Variants in MLLT10 observed in about 807,000 individuals in gnomAD.
The protein encoded by MLLT10 is protein AF-10.
MLLT10 carries 30 observed loss-of-function variants against 129.1 expected under a neutral mutation model. The ratio of observed to expected loss-of-function variants is 0.23; its 90% CI spans 0.17 to 0.32. The LOEUF is 0.32. MLLT10 is among the 10% of genes least tolerant of loss of function. MLLT10 has a pLI of 1.00. For synonymous variants in MLLT10, 490 were observed against 446.4 expected, an observed-to-expected ratio of 1.10 and a Z score of -1.23; for missense variants, 1,119 against 1,268.3, an observed-to-expected ratio of 0.88 and a Z score of 1.79.
intron 4 of MLLT10, among the ~76,000 whole-genome samples, chr10:21,593,794 G>T (rs888017711): frequency 6.6e-6 from 1 of 151,818 alleles, no homozygotes; most frequent in Non-Finnish European, 1.5e-5. Context: ...CCGTGTGGTG[G>T]TGGGCACCTG....
chr10:21,611,260 C>T lies in MLLT10; in HGVS notation c.406-1088C>T, dbSNP rs932582168. Among the ~76,000 whole-genome samples, 21 of 151,306 alleles carry T rather than the reference C, an allele frequency of 1.4e-4. No homozygotes were observed. The East Asian group carries it at 2.9e-3, about 21-fold the overall frequency. On this transcript the variant is annotated intron_variant, in intron 5 of 22. Transcript: ENST00000307729. Reference sequence around the variant, plus strand: ...CTGACCTCAGGTGATCCACCCATCTCGGCCTCCCAAAGTGCTGGGATTACA... The same window carrying T: ...CTGACCTCAGGTGATCCACCCATCTTGGCCTCCCAAAGTGCTGGGATTACA...
chr10:21,711,845 T>G (rs979501551), intron 13 of MLLT10, among the ~76,000 whole-genome samples: 1 of 152,350 alleles, frequency 6.6e-6, no homozygotes, highest in East Asian at 1.9e-4. Flanking sequence ...CAGGTCTGAA[T>G]TAGATACCTC....
intron 3 of MLLT10, among the ~76,000 whole-genome samples, chr10:21,562,596 C>T (rs945261001): frequency 1.3e-5 from 2 of 151,924 alleles, no homozygotes; most frequent in Non-Finnish European, 2.9e-5. Context: ...CCTCAGCCTC[C>T]CAAAGTGCTG....
intron 8 of MLLT10, among the ~76,000 whole-genome samples, chr10:21,633,823 A>G (rs904900693): frequency 6.6e-6 from 1 of 152,250 alleles, no homozygotes; most frequent in Non-Finnish European, 1.5e-5. Context: ...GAAATTTAAC[A>G]TTAATATAAT....
intron 11 of MLLT10, among the ~76,000 whole-genome samples, chr10:21,675,088 T>C (rs2051945355): frequency 6.6e-6 from 1 of 152,210 alleles, no homozygotes; most frequent in Non-Finnish European, 1.5e-5. Flanking sequence ...GTTCTGTTAA[T>C]ATTTATTTTC....
intron 13 of MLLT10, among the ~76,000 whole-genome samples, chr10:21,684,968 A>G (rs959937181): frequency 6.6e-6 from 1 of 152,100 alleles, no homozygotes; most frequent in Non-Finnish European, 1.5e-5. Context: ...AACTAAGTGT[A>G]GTTGCATTTA....
chr10:21,738,473 A>G (rs1162528399), intron 21 of MLLT10: 1 of 1,289,070 alleles, frequency 7.8e-7, no homozygotes, highest in Admixed American at 2.3e-5. Context: ...CTTGGAGACC[A>G]TGAGGACTAA....
chr10:21,626,067 T>G (rs2046401159), intron 8 of MLLT10: 1 of 1,542,858 alleles, frequency 6.5e-7, no homozygotes, highest in Admixed American at 1.7e-5. Flanking sequence ...GCCTTGATCT[T>G]CACTTCATCA....
chr10:21,726,681 CTTTT>C (rs35036202), intron 15 of MLLT10, among the ~76,000 whole-genome samples: 3 of 87,602 alleles, frequency 3.4e-5, no homozygotes, highest in African/African-American at 8.7e-5. Flanking sequence ...TAGCAATGTC[CTTTT>C]TTTTTTTTTT....
At chr10:21,711,353 T>A (rs1020911186) in intron 13 of MLLT10, among the ~76,000 whole-genome samples, 1 of 150,558 alleles carries the variant, frequency 6.6e-6, no homozygotes, top group Non-Finnish European at 1.5e-5. Context: ...AACCCGCGGG[T>A]AGAGGTTACA....
At chr10:21,718,763 CG>C (rs2056927968) in intron 14 of MLLT10, among the ~76,000 whole-genome samples, 1 of 152,190 alleles carries the variant, frequency 6.6e-6, no homozygotes, top group African/African-American at 2.4e-5. Context: ...ACTCTGTTGC[CG>C]AGGCTAGAGT....
chr10:21,681,328 A>ATG lies in MLLT10; in HGVS notation c.1622-4_1622-3insTG. ...CTGATTTCCTTTTTCCTTCCTCTCA[A>ATG]CAGAAATTTCCATGCAGTATCGGCA... On this transcript the variant is annotated splice_region_variant and splice_polypyrimidine_tract_variant and intron_variant, in intron 11 of 22. Coordinates refer to ENST00000307729, the MANE Select transcript of MLLT10 (RefSeq NM_001195626.3). 1 of 1,612,318 alleles carries ATG rather than the reference A, an allele frequency of 6.2e-7. No individual in the cohort carries two copies. The highest frequency in any genetic ancestry group is 8.5e-7 in the Non-Finnish European group (1 of 1,179,628).
chr10:21,620,251 A>G (rs2045675816), intron 8 of MLLT10, among the ~76,000 whole-genome samples: 1 of 152,042 alleles, frequency 6.6e-6, no homozygotes, highest in Non-Finnish European at 1.5e-5. Context: ...TTTTATGTTC[A>G]GTAGAGTTGT....
At position 21,673,807 on chromosome 10, in the gene MLLT10, T is replaced by G. The variant is rs1341558403; in HGVS notation, c.1509T>G (p.Ser503=). 1.1e-5 allele frequency: 17 copies of G among 1,614,104 alleles called. No individual in the cohort carries two copies. Among genetic ancestry groups the G allele is most frequent in the Non-Finnish European group, 1.4e-5 (17 of 1,180,040 alleles). The change falls in exon 11 of 23, where the codon TCT becomes TCG. Residue 503 remains serine (S), a synonymous_variant. Transcript: ENST00000307729. ...LSVSSASPTS[S]VASAAGSITS... is the part of the protein sequence containing the mutation. ...TTTCTTCTGCTTCACCAACATCATC[T>G]GTAGCATCAGCTGCAGGAAGCATAA...
intron 3 of MLLT10, among the ~76,000 whole-genome samples, chr10:21,562,318 T>TA (rs2131000796): frequency 6.6e-6 from 1 of 150,472 alleles, no homozygotes; most frequent in Non-Finnish European, 1.5e-5. Context: ...TGCTTTTTTT[T>TA]ATTTTTGTTT....
chr10:21,593,451 G>C (rs1377891191), intron 4 of MLLT10, among the ~76,000 whole-genome samples: 1 of 152,010 alleles, frequency 6.6e-6, no homozygotes, highest in Admixed American at 6.6e-5. Context: ...TCAGTTATTT[G>C]CATCAATTTA....
chr10:21,557,689 AG>A (rs902656023), intron 3 of MLLT10: 2 of 152,150 alleles, frequency 1.3e-5, no homozygotes, highest in African/African-American at 2.4e-5. Flanking sequence ...TACCAGAAGA[AG>A]GGGCTCTCTA....
chr10:21,623,082 C>T (rs1185186249), intron 8 of MLLT10, among the ~76,000 whole-genome samples: 1 of 152,212 alleles, frequency 6.6e-6, no homozygotes, highest in Non-Finnish European at 1.5e-5. Flanking sequence ...TCCATGCCCT[C>T]TCCAGGTGCT....
At chr10:21,576,252 T>C (rs1027301742) in intron 3 of MLLT10, among the ~76,000 whole-genome samples, 7 of 150,802 alleles carry the variant, frequency 4.6e-5, no homozygotes, top group African/African-American at 1.7e-4. Context: ...CTTTTTTTTT[T>C]TTTTTTTTGA....
Sources: allele counts gnomAD v4.1 joint callset (sites outside exome capture counted in the v4.1 genomes callset), GRCh38; gene constraint gnomAD v4.1.1; transcripts MANE v1.5; gene names NCBI Gene and HGNC (gene_info 2026-07-23, HGNC 2026-07-21).